LINGO2: variants seen among roughly 807,000 people sequenced by gnomAD.
LINGO2 encodes the protein leucine-rich repeat and immunoglobulin-like domain-containing nogo receptor-interacting protein 2.
Under a neutral mutation model 30.6 loss-of-function variants are expected in LINGO2, and 14 were observed. The ratio of observed to expected loss-of-function variants is 0.46; its 90% confidence interval spans 0.30 to 0.72. The LOEUF (loss-of-function observed/expected upper bound fraction) is 0.72, where lower values mean the gene tolerates loss of function less well. LINGO2 is among the 30% of genes least tolerant of loss of function. LINGO2 has a pLI of 0.07. For synonymous variants in LINGO2, 317 were observed against 288.5 expected (o/e 1.10, Z -1.00); for missense variants, 729 against 751.7 (o/e 0.97, Z 0.35).
downstream of LINGO2, among the ~76,000 whole-genome samples, chr9:27,946,692 G>A (rs944213248): frequency 5.9e-5 from 9 of 152,096 alleles, no homozygotes; most frequent in African/African-American, 2.2e-4. Flanking sequence ...TTGGATTTGT[G>A]ATAGAGTTTG....
the LINGO2 span, among the ~76,000 whole-genome samples, chr9:29,183,593 C>A: frequency 6.6e-6 from 1 of 152,186 alleles, no homozygotes; most frequent in African/African-American, 2.4e-5. Context: ...TTCTCGGGTT[C>A]ATTCATTCCT....
chr9:28,526,098 T>C (rs1234313086), intron 1 of LINGO2, among the ~76,000 whole-genome samples: 1 of 143,766 alleles, frequency 7.0e-6, no homozygotes. Flanking sequence ...ACCCACCTTA[T>C]ACTGGTGAAC....
chr9:28,678,648 G>A, the LINGO2 span, among the ~76,000 whole-genome samples: 2 of 152,012 alleles, frequency 1.3e-5, no homozygotes, highest in African/African-American at 4.8e-5. Flanking sequence ...ATGGTTGTGA[G>A]GACTGAGTTT....
At chr9:27,958,551 G>C (rs945904686) in intron 5 of LINGO2, among the ~76,000 whole-genome samples, 17 of 128,876 alleles carry the variant, frequency 1.3e-4, no homozygotes, top group Non-Finnish European at 2.1e-4. Flanking sequence ...GGGAGAGTGA[G>C]AGAGAGAGAC....
intron 1 of LINGO2, among the ~76,000 whole-genome samples, chr9:28,659,572 C>T (rs1016368966): frequency 2.0e-5 from 3 of 151,770 alleles, no homozygotes; most frequent in African/African-American, 4.8e-5. Flanking sequence ...CTCAGCCTGT[C>T]GAGTAACTGG....
the LINGO2 span, among the ~76,000 whole-genome samples, chr9:28,948,749 T>G: frequency 6.6e-6 from 1 of 152,138 alleles, no homozygotes; most frequent in Non-Finnish European, 1.5e-5. Context: ...CACTGAAACC[T>G]GATTGTGTAA....
chr9:28,829,489 C>T, the LINGO2 span, among the ~76,000 whole-genome samples: 1 of 152,166 alleles, frequency 6.6e-6, no homozygotes, highest in South Asian at 2.1e-4. Flanking sequence ...TATAACATTC[C>T]TTTGGCTTCA....
chr9:28,287,731 A>C (rs1375218296), intron 4 of LINGO2, among the ~76,000 whole-genome samples: 2 of 152,114 alleles, frequency 1.3e-5, no homozygotes, highest in African/African-American at 4.8e-5. Flanking sequence ...TTGAAGCATA[A>C]ATTTCAGAAG....
At chr9:28,469,477 A>T (rs1825437670) in intron 2 of LINGO2, among the ~76,000 whole-genome samples, 1 of 152,118 alleles carries the variant, frequency 6.6e-6, no homozygotes, top group African/African-American at 2.4e-5. Flanking sequence ...AAGCTCAACA[A>T]ATTCCAAGTA....
At chr9:28,489,237 A>G (rs187912061) in intron 1 of LINGO2, among the ~76,000 whole-genome samples, 376 of 152,190 alleles carry the variant, frequency 2.5e-3, no homozygotes, top group Non-Finnish European at 3.8e-3. Flanking sequence ...CTTTTCTTCT[A>G]CAATTCACTG....
chr9:28,202,269 G>T (rs1485812274), intron 4 of LINGO2, among the ~76,000 whole-genome samples: 1 of 151,908 alleles, frequency 6.6e-6, no homozygotes, highest in African/African-American at 2.4e-5. Flanking sequence ...TAATTTCCAG[G>T]GGGTCACAAT....
intron 1 of LINGO2, among the ~76,000 whole-genome samples, chr9:28,545,110 G>A (rs554724822): frequency 6.6e-6 from 1 of 151,996 alleles, no homozygotes; most frequent in Non-Finnish European, 1.5e-5. Flanking sequence ...GTTTTTAGCT[G>A]CAGAGATTAA....
chr9:28,239,489 A>G (rs1821700304), intron 4 of LINGO2, among the ~76,000 whole-genome samples: 1 of 152,188 alleles, frequency 6.6e-6, no homozygotes, highest in Non-Finnish European at 1.5e-5. Flanking sequence ...AACATATGCA[A>G]ATCAATCACT....
intron 4 of LINGO2, among the ~76,000 whole-genome samples, chr9:28,074,622 C>G (rs140527322): frequency 6.6e-6 from 1 of 152,174 alleles, no homozygotes; most frequent in East Asian, 1.9e-4. Flanking sequence ...GTTAGTTGAT[C>G]CAAGTCATCT....
the LINGO2 span, among the ~76,000 whole-genome samples, chr9:28,699,754 G>A: frequency 1.3e-5 from 2 of 151,860 alleles, no homozygotes. Context: ...TTGTATTCCT[G>A]GGGGGAGGTC....
intron 3 of LINGO2, among the ~76,000 whole-genome samples, chr9:28,355,311 CTCTCTCTCTCTCTCTG>C (rs1820139966): frequency 7.2e-6 from 1 of 139,768 alleles, no homozygotes. Flanking sequence ...CTCTCTCTCT[CTCTCTCTCTCTCTCTG>C]TCTCTGTCTC....
chr9:28,072,574 A>G (rs1274017313), intron 4 of LINGO2, among the ~76,000 whole-genome samples: 1 of 152,196 alleles, frequency 6.6e-6, no homozygotes, highest in Non-Finnish European at 1.5e-5. Context: ...CCTTCCCAGT[A>G]GGACTTCAAA....
chr9:28,393,709 C>T (rs1189025347), intron 2 of LINGO2, among the ~76,000 whole-genome samples: 1 of 152,170 alleles, frequency 6.6e-6, no homozygotes, highest in Non-Finnish European at 1.5e-5. Context: ...AAAACACCAG[C>T]CTGACTTCCA....
chr9:28,833,081 G>A, the LINGO2 span, among the ~76,000 whole-genome samples: 2 of 152,206 alleles, frequency 1.3e-5, no homozygotes, highest in East Asian at 3.9e-4. Context: ...TATAACTAAA[G>A]TTTTGAGGAA....
Sources: gnomAD v4.1 joint callset for allele counts (sites outside exome capture counted in the v4.1 genomes callset) on GRCh38, gnomAD v4.1.1 for gene constraint, MANE v1.5 for transcripts, NCBI Gene and HGNC (gene_info 2026-07-23, HGNC 2026-07-21) for gene names.